Variants in TNR observed in about 807,000 individuals in gnomAD.
TNR encodes the protein tenascin R, also known as tenascin-R.
TNR carries 45 observed loss-of-function variants against 150.4 expected under a neutral mutation model. That is an observed-to-expected ratio of 0.30 (90% CI 0.24 to 0.38). TNR has a LOEUF of 0.38. Among genes scored for constraint, TNR ranks in the 10% least tolerant of loss-of-function variants. TNR has a pLI of 1.00. For synonymous variants in TNR, 687 were observed against 678.4 expected (o/e 1.01, Z -0.20); for missense variants, 1,544 against 1,759.1 (o/e 0.88, Z 2.19).
chr1:175,651,553 T>C (rs1191952920), intron 1 of TNR, among the ~76,000 whole-genome samples: 3 of 151,916 alleles, frequency 2.0e-5, no homozygotes, highest in Admixed American at 6.6e-5. Context: ...ATATAAAATA[T>C]ATTATTATTA....
At chr1:175,540,649 C>A (rs1025855835) in intron 1 of TNR, among the ~76,000 whole-genome samples, 1 of 151,934 alleles carries the variant, frequency 6.6e-6, no homozygotes, top group Non-Finnish European at 1.5e-5. Flanking sequence ...CACTTTTTTT[C>A]CTTTACCATC....
At chr1:175,560,557 A>T (rs1661382663) in intron 1 of TNR, among the ~76,000 whole-genome samples, 1 of 152,224 alleles carries the variant, frequency 6.6e-6, no homozygotes, top group African/African-American at 2.4e-5. Flanking sequence ...TCCATTTAAT[A>T]TGCCTTGTTC....
chr1:175,500,860 A>G (rs1171403489), intron 2 of TNR, among the ~76,000 whole-genome samples: 1 of 152,206 alleles, frequency 6.6e-6, no homozygotes, highest in Non-Finnish European at 1.5e-5. Context: ...GCTAAAGGTG[A>G]TCTCGGCAAA....
chr1:175,417,070 A>AGAAAGAAAGAAAGAAAGAAG (rs1557920348), intron 2 of TNR, among the ~76,000 whole-genome samples: 3 of 151,030 alleles, frequency 2.0e-5, no homozygotes, highest in Non-Finnish European at 3.0e-5. Flanking sequence ...AAAGAAAGAA[A>AGAAAGAAAGAAAGAAAGAAG]GAAAGAAATC....
intron 2 of TNR, among the ~76,000 whole-genome samples, chr1:175,510,346 GTGAAGACCTT>G (rs1659118860): frequency 6.7e-6 from 1 of 149,588 alleles, no homozygotes; most frequent in African/African-American, 2.5e-5. Flanking sequence ...CCTAAGAACT[GTGAAGACCTT>G]TGCCCAAAGC....
intron 19 of TNR, among the ~76,000 whole-genome samples, chr1:175,336,809 T>A (rs1440618579): frequency 6.6e-6 from 1 of 152,178 alleles, no homozygotes; most frequent in Non-Finnish European, 1.5e-5. Context: ...ACTGCAATCC[T>A]CAATTGGAGG....
intron 2 of TNR, among the ~76,000 whole-genome samples, chr1:175,416,085 G>T (rs967816714): frequency 2.0e-5 from 3 of 151,984 alleles, no homozygotes; most frequent in African/African-American, 7.3e-5. Context: ...AGGCTACAGA[G>T]AATTCTTAAC....
At chr1:175,480,578 G>C (rs780626732) in intron 2 of TNR, among the ~76,000 whole-genome samples, 11 of 152,162 alleles carry the variant, frequency 7.2e-5, no homozygotes, top group Admixed American at 3.3e-4. Context: ...CATGTTTACT[G>C]ACTGCTAACA....
intron 1 of TNR, among the ~76,000 whole-genome samples, chr1:175,641,553 G>A (rs936055448): frequency 6.6e-6 from 1 of 152,138 alleles, no homozygotes; most frequent in African/African-American, 2.4e-5. Context: ...GGGGCAAAGA[G>A]TTTTTACCCT....
At chr1:175,664,356 C>A (rs941659549) in intron 1 of TNR, among the ~76,000 whole-genome samples, 3 of 152,180 alleles carry the variant, frequency 2.0e-5, no homozygotes, top group Admixed American at 6.5e-5. Context: ...GTAGAGGGGC[C>A]TCTTGCCAAA....
chr1:175,533,836 T>G (rs944117355), intron 1 of TNR, among the ~76,000 whole-genome samples: 9 of 152,162 alleles, frequency 5.9e-5, no homozygotes, highest in African/African-American at 2.2e-4. Context: ...GCTTTGTTGG[T>G]GATCTTTAAC....
At chr1:175,653,783 T>C (rs1665088075) in intron 1 of TNR, among the ~76,000 whole-genome samples, 1 of 152,202 alleles carries the variant, frequency 6.6e-6, no homozygotes, top group South Asian at 2.1e-4. Context: ...TAAGCAGAGA[T>C]TTATTCTGAG....
chr1:175,497,253 T>C (rs1272969137), intron 2 of TNR, among the ~76,000 whole-genome samples: 1 of 152,158 alleles, frequency 6.6e-6, no homozygotes, highest in Admixed American at 6.5e-5. Flanking sequence ...TGGTTTGGCG[T>C]GGGAGCAGAA....
At chr1:175,550,504 C>T (rs532641770) in intron 1 of TNR, among the ~76,000 whole-genome samples, 35 of 152,048 alleles carry the variant, frequency 2.3e-4, no homozygotes, top group African/African-American at 7.5e-4. Context: ...CCCTCACCCC[C>T]CATCCTTTTC....
intron 1 of TNR, among the ~76,000 whole-genome samples, chr1:175,631,291 T>C (rs1478847748): frequency 6.6e-6 from 1 of 152,248 alleles, no homozygotes; most frequent in African/African-American, 2.4e-5. Flanking sequence ...ATTCAGATTA[T>C]GCAGAGAATT....
intron 1 of TNR, 56 bp downstream of exon 1, chr1:175,743,170 T>C (rs1477769037): frequency 2.0e-5 from 3 of 152,284 alleles, no homozygotes; most frequent in African/African-American, 7.2e-5. Context: ...ATAGCTCTCC[T>C]TGGTGCTGAA....
intron 1 of TNR, among the ~76,000 whole-genome samples, chr1:175,737,211 T>G (rs11591008): frequency 0.01 from 1,547 of 152,326 alleles, 14 homozygotes; most frequent in Non-Finnish European, 0.016. Context: ...TTATAAAAAC[T>G]TTCTGATTTT....
intron 1 of TNR, among the ~76,000 whole-genome samples, chr1:175,668,338 A>G (rs560351867): frequency 7.2e-5 from 11 of 152,276 alleles, no homozygotes; most frequent in South Asian, 2.1e-4. Flanking sequence ...CTTTCAGGGC[A>G]GTTGTTTGAA....
At chr1:175,512,970 C>T (rs751797625) in intron 2 of TNR, among the ~76,000 whole-genome samples, 2 of 152,208 alleles carry the variant, frequency 1.3e-5, no homozygotes, top group Non-Finnish European at 2.9e-5. Flanking sequence ...AGGCATCAGC[C>T]ATTTCCTCAC....
Sources: allele counts gnomAD v4.1 joint callset (sites outside exome capture counted in the v4.1 genomes callset), GRCh38; gene constraint gnomAD v4.1.1; transcripts MANE v1.5; gene names NCBI Gene and HGNC (gene_info 2026-07-23, HGNC 2026-07-21).